TXLNG: variants seen among roughly 807,000 people sequenced by gnomAD.
TXLNG encodes taxilin gamma.
TXLNG carries 5 observed loss-of-function variants against 38.8 expected under a neutral mutation model. The observed-to-expected ratio is 0.13, with a 90% CI of 0.07 to 0.27. TXLNG has a LOEUF of 0.27. TXLNG is among the 10% of genes least tolerant of loss of function. The probability of loss-of-function intolerance (pLI) is 1.00; values close to 1 mark genes in which losing one functional copy is unlikely to be tolerated. For missense variants in TXLNG, 393 were observed against 398.2 expected (o/e 0.99, Z 0.11); for synonymous variants, 182 against 158.2 (o/e 1.15, Z -1.13).
chrX:16,793,168 T>C (rs1224288271), intron 1 of TXLNG, among the ~76,000 whole-genome samples: 2 of 110,898 alleles, frequency 1.8e-5, no homozygotes, highest in Non-Finnish European at 3.8e-5. Flanking sequence ...GATGGGACAT[T>C]TCTAGAAGAG....
chrX:16,819,798 C>T (rs891821683), intron 2 of TXLNG, among the ~76,000 whole-genome samples: 7 of 112,249 alleles, frequency 6.2e-5, no homozygotes, highest in East Asian at 2.8e-4. Flanking sequence ...CTTCTATATT[C>T]GAACTTGGTT....
chrX:16,805,526 G>A (rs1434794835), intron 1 of TXLNG, among the ~76,000 whole-genome samples: 1 of 112,803 alleles, frequency 8.9e-6, no homozygotes, highest in Non-Finnish European at 1.9e-5. Context: ...AATTTTTCAT[G>A]TTTCAATCTT....
Position 16,830,612 on chromosome X carries a change from A to G in TXLNG, c.864+842A>G, listed in dbSNP as rs772638470. ...AAAAAGCTGATTCAAATTAAAAAAAAAAAAAGATCAGGCATCTGTGTGTTA... is the reference window on the plus strand; with the variant it reads ...AAAAAGCTGATTCAAATTAAAAAAAGAAAAAGATCAGGCATCTGTGTGTTA... On this transcript the variant is annotated intron_variant, in intron 5 of 9. Coordinates refer to ENST00000380122, the MANE Select transcript of TXLNG (RefSeq NM_018360.3). Among the ~76,000 whole-genome samples the G allele has an allele frequency of 3.9e-3, 413 of 106,805 alleles. 1 individual carries two copies. The highest frequency in any genetic ancestry group is 0.013 in the African/African-American group (380 of 29,476). The allele number at this position is 106,805 out of a possible 115,157, so 92.7% of individuals were successfully genotyped here.
At chrX:16,799,837 A>C (rs1928021158) in intron 1 of TXLNG, among the ~76,000 whole-genome samples, 1 of 112,154 alleles carries the variant, frequency 8.9e-6, no homozygotes, top group Admixed American at 9.5e-5. Flanking sequence ...TTCACTCAGA[A>C]CTTAGCCTTG....
intron 1 of TXLNG, among the ~76,000 whole-genome samples, chrX:16,795,603 G>A (rs949661888): frequency 9.0e-6 from 1 of 111,358 alleles, no homozygotes; most frequent in Non-Finnish European, 1.9e-5. Flanking sequence ...ATGGTTCTGT[G>A]TGTTCTTTGT....
chrX:16,839,189 A>G (rs1395732367), intron 8 of TXLNG: 1 of 112,105 alleles, frequency 8.9e-6, no homozygotes. Flanking sequence ...CTTTATCTTT[A>G]GCAAAATCTG....
At chrX:16,792,585 C>T (rs765402891) in intron 1 of TXLNG, among the ~76,000 whole-genome samples, 382 of 107,717 alleles carry the variant, frequency 3.5e-3, no homozygotes, top group Non-Finnish European at 6.1e-3. Flanking sequence ...TTTTGAGACC[C>T]GCTTGGGCAA....
At chrX:16,798,211 C>T (rs1405292102) in intron 1 of TXLNG, among the ~76,000 whole-genome samples, 2 of 112,269 alleles carry the variant, frequency 1.8e-5, no homozygotes, top group Non-Finnish European at 3.8e-5. Context: ...AACGTTGGTA[C>T]GTTTTGGTAT....
chrX:16,794,072 G>A (rs1436626754), intron 1 of TXLNG, among the ~76,000 whole-genome samples: 1 of 111,858 alleles, frequency 8.9e-6, no homozygotes, highest in Non-Finnish European at 1.9e-5. Flanking sequence ...GTACATCCCA[G>A]TTTACAGATA....
At chrX:16,793,159 A>G (rs922829100) in intron 1 of TXLNG, among the ~76,000 whole-genome samples, 1 of 110,703 alleles carries the variant, frequency 9.0e-6, no homozygotes, top group South Asian at 3.8e-4. Context: ...CAACATTGAG[A>G]TGGGACATTT....
At chrX:16,802,022 C>G (rs1343353935) in intron 1 of TXLNG, among the ~76,000 whole-genome samples, 1 of 92,646 alleles carries the variant, frequency 1.1e-5, no homozygotes. Flanking sequence ...GGTGCAATCT[C>G]AGCTCACCGC....
intron 1 of TXLNG, among the ~76,000 whole-genome samples, chrX:16,797,496 C>A (rs918104940): frequency 8.9e-6 from 1 of 111,875 alleles, no homozygotes; most frequent in African/African-American, 3.2e-5. Context: ...CCAGCTCACT[C>A]TTGTGGCTGT....
Position 16,841,944 on chromosome X carries a change from C to G in TXLNG, c.*178C>G, listed in dbSNP as rs1169831212. The G allele has an allele frequency of 2.0e-6, 1 of 503,476 alleles. No homozygotes were observed. Among genetic ancestry groups the G allele is most frequent in the African/African-American group, 2.4e-5 (1 of 41,522 alleles). The allele number at this position is 503,476 out of a possible 1,213,427, so 41.5% of individuals were successfully genotyped here. On this transcript the variant is annotated 3_prime_UTR_variant, in exon 10 of 10. Transcript: ENST00000380122. ...GCTTAGCAGTTTTGAATAGTTTAAT[C>G]TATAAATTTTCCTCAGCTGTGTTGC...
intron 1 of TXLNG, among the ~76,000 whole-genome samples, chrX:16,793,401 G>A (rs1169847975): frequency 9.0e-6 from 1 of 110,725 alleles, no homozygotes; most frequent in Non-Finnish European, 1.9e-5. Flanking sequence ...ATTCTGTGTT[G>A]CATTTCCAAA....
intron 2 of TXLNG, among the ~76,000 whole-genome samples, chrX:16,819,160 A>G (rs1446184291): frequency 9.1e-6 from 1 of 110,227 alleles, no homozygotes; most frequent in Non-Finnish European, 1.9e-5. Context: ...GCTGGTCTCA[A>G]ACTCCTAAGC....
At chrX:16,787,378 C>T (rs1379234628) in intron 1 of TXLNG, among the ~76,000 whole-genome samples, 3 of 110,851 alleles carry the variant, frequency 2.7e-5, no homozygotes, top group Non-Finnish European at 3.8e-5. Context: ...TCTTTTTTCC[C>T]CTCTTTTTTT....
At chrX:16,835,446 G>A (rs772213162) in intron 7 of TXLNG, among the ~76,000 whole-genome samples, 30 of 112,006 alleles carry the variant, frequency 2.7e-4, no homozygotes, top group South Asian at 3.8e-4. Context: ...AAGCTTCTAG[G>A]AGATTTGAAT....
chrX:16,792,925 C>T (rs1927753490), intron 1 of TXLNG, among the ~76,000 whole-genome samples: 1 of 109,460 alleles, frequency 9.1e-6, no homozygotes, highest in East Asian at 2.8e-4. Flanking sequence ...GGTAAAACCC[C>T]ATCTCTACTA....
rs1462499447 is a variant in TXLNG at position 16,829,619 on chromosome X, A to G, written c.713A>G (p.Lys238Arg). The stretch of plus-strand genomic sequence containing the variant: ...GCACGAGAGGAAGAAGAACGACGTA[A>G]AGAAGCAACTGCACATTTCCAGATT... ...QQAREEEERR[K>R]EATAHFQITL... is the part of the protein sequence containing the mutation. The change falls in exon 5 of 10, where the codon AAA (lysine) becomes AGA (arginine). Residue 238 changes from lysine to arginine, a missense_variant. By Grantham distance (26) the Lys-to-Arg change is conservative. Transcript: ENST00000380122. 8.3e-7 allele frequency: 1 copy of G among 1,211,949 alleles called. No homozygotes were observed. Among genetic ancestry groups the G allele is most frequent in the Admixed American group, 2.2e-5 (1 of 46,010 alleles).
Sources: allele counts gnomAD v4.1 joint callset (sites outside exome capture counted in the v4.1 genomes callset), GRCh38; gene constraint gnomAD v4.1.1; transcripts MANE v1.5; gene names NCBI Gene and HGNC (gene_info 2026-07-23, HGNC 2026-07-21).